The following SGCD variants were observed in gnomAD, a reference collection of about 807,000 sequenced individuals.
The protein encoded by SGCD is sarcoglycan delta.
Under a neutral mutation model 36.6 loss-of-function variants are expected in SGCD, and 18 were observed. That is an observed-to-expected ratio of 0.49 (90% CI 0.34 to 0.73). The LOEUF (loss-of-function observed/expected upper bound fraction) is 0.73. Among genes scored for constraint, SGCD ranks in the 30% least tolerant of loss-of-function variants. SGCD has a pLI of 0.01. For missense variants in SGCD, 387 were observed against 346.7 expected (o/e 1.12, Z -0.92); for synonymous variants, 133 against 130.6 (o/e 1.02, Z -0.12).
intron 1 of SGCD, among the ~76,000 whole-genome samples, chr5:155,996,920 GGC>G: frequency 6.6e-6 from 1 of 151,756 alleles, no homozygotes; most frequent in African/African-American, 2.4e-5. Flanking sequence ...CAGACAGACA[GGC>G]AGGCAGACAG....
At chr5:156,003,182 G>A (rs369268035) in intron 1 of SGCD, among the ~76,000 whole-genome samples, 1 of 152,176 alleles carries the variant, frequency 6.6e-6, no homozygotes, top group African/African-American at 2.4e-5. Context: ...CATAGTAGGT[G>A]TCATAACATA....
At chr5:156,030,796 G>A (rs546642812) in intron 1 of SGCD, among the ~76,000 whole-genome samples, 7 of 152,232 alleles carry the variant, frequency 4.6e-5, no homozygotes, top group African/African-American at 1.7e-4. Flanking sequence ...TGCAAAGGAA[G>A]AAGAAATTAC....
At chr5:155,847,963 G>A in the SGCD span, among the ~76,000 whole-genome samples, 1 of 152,174 alleles carries the variant, frequency 6.6e-6, no homozygotes, top group Non-Finnish European at 1.5e-5. Flanking sequence ...ATCCACGTTT[G>A]TGAATGATAT....
At chr5:156,481,360 C>A (rs914789692) in intron 3 of SGCD, among the ~76,000 whole-genome samples, 4 of 152,120 alleles carry the variant, frequency 2.6e-5, no homozygotes, top group African/African-American at 9.7e-5. Flanking sequence ...ATGTCCCTGA[C>A]CCTGTGGAAA....
intron 3 of SGCD, among the ~76,000 whole-genome samples, chr5:156,125,837 C>CTTT (rs1192824793): frequency 7.5e-5 from 10 of 133,156 alleles, no homozygotes; most frequent in African/African-American, 2.6e-4. Flanking sequence ...CCCACTCATT[C>CTTT]TTTTATTATT....
intron 3 of SGCD, among the ~76,000 whole-genome samples, chr5:156,438,773 A>G (rs1243571375): frequency 1.3e-5 from 2 of 152,306 alleles, no homozygotes; most frequent in East Asian, 3.9e-4. Flanking sequence ...ACCTAGTTTA[A>G]TTATGACAGC....
intron 4 of SGCD, among the ~76,000 whole-genome samples, chr5:156,547,420 A>G (rs1758620544): frequency 6.6e-6 from 1 of 151,520 alleles, no homozygotes; most frequent in South Asian, 2.1e-4. Flanking sequence ...GTACCAAAAG[A>G]TAGAAGAAAT....
chr5:156,514,572 A>G (rs555020528), intron 4 of SGCD, among the ~76,000 whole-genome samples: 3 of 152,238 alleles, frequency 2.0e-5, no homozygotes, highest in South Asian at 4.1e-4. Context: ...AAAATATTTT[A>G]TCCCGTAAAA....
the SGCD span, among the ~76,000 whole-genome samples, chr5:155,833,621 A>T: frequency 2.0e-5 from 3 of 152,194 alleles, no homozygotes; most frequent in South Asian, 2.1e-4. Context: ...AGGGGGGAAA[A>T]GTCTATCTGT....
intron 1 of SGCD, among the ~76,000 whole-genome samples, chr5:156,087,325 C>G (rs1761122305): frequency 6.6e-6 from 1 of 152,024 alleles, no homozygotes; most frequent in Non-Finnish European, 1.5e-5. Context: ...GCAAAGGTGC[C>G]CCCTTGAACA....
At chr5:156,237,049 G>A (rs142107628) in intron 3 of SGCD, among the ~76,000 whole-genome samples, 21 of 150,170 alleles carry the variant, frequency 1.4e-4, no homozygotes, top group African/African-American at 5.1e-4. Context: ...TGGCCAGGCT[G>A]GTCTTGAACC....
At chr5:155,819,793 A>G in the SGCD span, among the ~76,000 whole-genome samples, 1 of 152,162 alleles carries the variant, frequency 6.6e-6, no homozygotes, top group African/African-American at 2.4e-5. Context: ...CTCAGTCTCC[A>G]GGGGACATGA....
At chr5:156,413,120 C>G (rs912888976) in intron 3 of SGCD, among the ~76,000 whole-genome samples, 1 of 152,118 alleles carries the variant, frequency 6.6e-6, no homozygotes, top group Non-Finnish European at 1.5e-5. Flanking sequence ...TTGTTCTCAT[C>G]GAGGACACAG....
At chr5:156,319,382 C>A (rs1365637337) in intron 3 of SGCD, among the ~76,000 whole-genome samples, 1 of 152,164 alleles carries the variant, frequency 6.6e-6, no homozygotes, top group Admixed American at 6.5e-5. Flanking sequence ...GCAAATGAGA[C>A]CATTTTTGCC....
chr5:156,752,405 C>T (rs1757178288), intron 7 of SGCD, among the ~76,000 whole-genome samples: 2 of 151,134 alleles, frequency 1.3e-5, no homozygotes, highest in Middle Eastern at 3.4e-3. Flanking sequence ...TCTTTTTTTC[C>T]CCCCCAAGAT....
chr5:155,916,284 G>C (rs1482208320), intron 1 of SGCD, among the ~76,000 whole-genome samples: 1 of 152,028 alleles, frequency 6.6e-6, no homozygotes, highest in African/African-American at 2.4e-5. Flanking sequence ...AAACAGAAAA[G>C]GTAGCTGTAC....
intron 3 of SGCD, among the ~76,000 whole-genome samples, chr5:156,435,644 A>G (rs1302452768): frequency 6.6e-6 from 1 of 152,154 alleles, no homozygotes; most frequent in African/African-American, 2.4e-5. Context: ...GGAGATGTAG[A>G]CTTTCCTTTG....
chr5:155,887,791 CT>C (rs1409726511), intron 1 of SGCD, among the ~76,000 whole-genome samples: 26 of 152,280 alleles, frequency 1.7e-4, no homozygotes, highest in Admixed American at 1.6e-3. Flanking sequence ...ATTCCCTTCT[CT>C]CCATCAATTA....
intron 1 of SGCD, among the ~76,000 whole-genome samples, chr5:155,906,289 G>A (rs1756510631): frequency 6.6e-6 from 1 of 151,998 alleles, no homozygotes; most frequent in Admixed American, 6.6e-5. Flanking sequence ...TATTCCCTGA[G>A]ACACAATCAT....
Sources: allele counts gnomAD v4.1 joint callset (sites outside exome capture counted in the v4.1 genomes callset), GRCh38; gene constraint gnomAD v4.1.1; transcripts MANE v1.5; gene names NCBI Gene and HGNC (gene_info 2026-07-23, HGNC 2026-07-21).